SPOCK3: variants seen among roughly 807,000 people sequenced by gnomAD.
The protein encoded by SPOCK3 is testican-3.
SPOCK3 carries 30 observed loss-of-function variants against 56.6 expected under a neutral mutation model. The observed-to-expected ratio is 0.53, with a 90% CI of 0.40 to 0.72. The LOEUF (loss-of-function observed/expected upper bound fraction) is 0.72, where lower values mean the gene tolerates loss of function less well. Ranked by LOEUF, SPOCK3 falls within the 30% of genes least tolerant of loss-of-function variation. The probability of loss-of-function intolerance (pLI) is 0.00; values close to 1 mark genes in which losing one functional copy is unlikely to be tolerated. For synonymous variants in SPOCK3, 196 were observed against 183.3 expected (o/e 1.07, Z -0.56); for missense variants, 527 against 530.0 (o/e 0.99, Z 0.06).
chr4:167,166,365 T>C (rs1347583954), intron 2 of SPOCK3, among the ~76,000 whole-genome samples: 1 of 152,058 alleles, frequency 6.6e-6, no homozygotes, highest in Non-Finnish European at 1.5e-5. Context: ...CAAGGCTACA[T>C]ACATTTTTTT....
At chr4:167,114,900 T>C (rs1761200958) in intron 2 of SPOCK3, among the ~76,000 whole-genome samples, 1 of 151,002 alleles carries the variant, frequency 6.6e-6, no homozygotes, top group Admixed American at 6.6e-5. Flanking sequence ...TTAACAGGCA[T>C]AGCAAGAGAC....
intron 3 of SPOCK3, among the ~76,000 whole-genome samples, chr4:167,054,058 T>C (rs945499397): frequency 1.3e-5 from 2 of 152,192 alleles, no homozygotes; most frequent in African/African-American, 2.4e-5. Flanking sequence ...TAGGAAAACC[T>C]AGAAAGCATA....
intron 4 of SPOCK3, among the ~76,000 whole-genome samples, chr4:166,964,054 C>G (rs571765183): frequency 1.3e-5 from 2 of 151,406 alleles, no homozygotes; most frequent in Non-Finnish European, 3.0e-5. Context: ...TTTTTATACT[C>G]TATATAAGAT....
chr4:166,952,897 C>G (rs1742858614), intron 4 of SPOCK3, among the ~76,000 whole-genome samples: 1 of 151,474 alleles, frequency 6.6e-6, no homozygotes, highest in Non-Finnish European at 1.5e-5. Flanking sequence ...AAGGCTGAAA[C>G]TGGATCCCTT....
chr4:167,166,051 TA>T (rs1322465232), intron 2 of SPOCK3, among the ~76,000 whole-genome samples: 16 of 152,044 alleles, frequency 1.1e-4, no homozygotes, highest in African/African-American at 3.9e-4. Context: ...CTGCTCAAAA[TA>T]GAGGATTATA....
At chr4:166,740,395 TA>T (rs569058572) in intron 9 of SPOCK3, among the ~76,000 whole-genome samples, 20 of 151,900 alleles carry the variant, frequency 1.3e-4, no homozygotes, top group African/African-American at 4.8e-4. Context: ...TTGCTACTAA[TA>T]GAATTTAAGT....
intron 2 of SPOCK3, among the ~76,000 whole-genome samples, chr4:167,079,034 C>T (rs1023387922): frequency 1.3e-5 from 2 of 150,902 alleles, no homozygotes; most frequent in African/African-American, 4.9e-5. Context: ...TAGATGTTTA[C>T]ATTTTATTCT....
At chr4:166,909,219 C>T (rs866735601) in intron 5 of SPOCK3, among the ~76,000 whole-genome samples, 3 of 151,904 alleles carry the variant, frequency 2.0e-5, no homozygotes, top group Admixed American at 6.6e-5. Flanking sequence ...TTTCTAAAAA[C>T]GCTGATTAAC....
At chr4:167,014,096 T>A (rs1750358954) in intron 3 of SPOCK3, among the ~76,000 whole-genome samples, 1 of 152,112 alleles carries the variant, frequency 6.6e-6, no homozygotes, top group Admixed American at 6.6e-5. Context: ...CCCTATAAAA[T>A]CTCTTGTAAC....
At chr4:166,867,980 A>C (rs2126934183) in intron 6 of SPOCK3, among the ~76,000 whole-genome samples, 1 of 152,102 alleles carries the variant, frequency 6.6e-6, no homozygotes. Context: ...TTGTTGGATT[A>C]AGAAATAAAT....
intron 2 of SPOCK3, among the ~76,000 whole-genome samples, chr4:167,177,319 C>T (rs186837063): frequency 1.2e-4 from 18 of 152,074 alleles, no homozygotes; most frequent in African/African-American, 4.1e-4. Flanking sequence ...CAGTTACGTT[C>T]TGAGCACTTT....
intron 2 of SPOCK3, among the ~76,000 whole-genome samples, chr4:167,207,049 A>T (rs1267517692): frequency 6.6e-6 from 1 of 152,130 alleles, no homozygotes; most frequent in Non-Finnish European, 1.5e-5. Context: ...TTTAAACAAT[A>T]CTGTGTACCC....
At chr4:167,016,106 T>C (rs1048035737) in intron 3 of SPOCK3, among the ~76,000 whole-genome samples, 5 of 152,134 alleles carry the variant, frequency 3.3e-5, no homozygotes, top group African/African-American at 1.2e-4. Flanking sequence ...CAGAATCCAA[T>C]TTTTGAAACT....
At chr4:166,931,272 G>A (rs915576473) in intron 4 of SPOCK3, among the ~76,000 whole-genome samples, 10 of 150,308 alleles carry the variant, frequency 6.7e-5, no homozygotes, top group Non-Finnish European at 1.3e-4. Flanking sequence ...GTGAGCCACC[G>A]CTCCCGGCCC....
chr4:167,002,586 A>C (rs1749051961), intron 3 of SPOCK3, among the ~76,000 whole-genome samples: 2 of 152,202 alleles, frequency 1.3e-5, no homozygotes, highest in South Asian at 4.1e-4. Flanking sequence ...AGCTTTAATA[A>C]TGAAAATAAA....
chr4:167,200,224 T>C (rs1196099211), intron 2 of SPOCK3, among the ~76,000 whole-genome samples: 1 of 152,082 alleles, frequency 6.6e-6, no homozygotes, highest in Non-Finnish European at 1.5e-5. Context: ...ATTGAAATCC[T>C]GCTTAAACAG....
At chr4:167,202,125 GCTTCACCTACT>G (rs1733574902) in intron 2 of SPOCK3, among the ~76,000 whole-genome samples, 1 of 151,864 alleles carries the variant, frequency 6.6e-6, no homozygotes, top group Non-Finnish European at 1.5e-5. Flanking sequence ...AGTACTACCT[GCTTCACCTACT>G]CCAAATATAA....
At chr4:167,068,975 A>C (rs1410132809) in intron 2 of SPOCK3, among the ~76,000 whole-genome samples, 1 of 151,940 alleles carries the variant, frequency 6.6e-6, no homozygotes, top group Non-Finnish European at 1.5e-5. Context: ...ATAGGAACCC[A>C]AAAATTTAAT....
At chr4:167,058,033 T>G (rs978669311) in intron 3 of SPOCK3, among the ~76,000 whole-genome samples, 21 of 152,070 alleles carry the variant, frequency 1.4e-4, no homozygotes, top group Admixed American at 3.3e-4. Context: ...CCACATACTT[T>G]GAAGTAAAGC....
Sources: allele counts gnomAD v4.1 joint callset (sites outside exome capture counted in the v4.1 genomes callset), GRCh38; gene constraint gnomAD v4.1.1; transcripts MANE v1.5; gene names NCBI Gene and HGNC (gene_info 2026-07-23, HGNC 2026-07-21).